The following COL4A5 variants were observed in gnomAD, a reference collection of about 807,000 sequenced individuals.
The protein encoded by COL4A5 is collagen type IV alpha 5 chain, also known as collagen alpha-5(IV) chain.
COL4A5 carries 26 observed loss-of-function variants against 130.2 expected under a neutral mutation model. The observed-to-expected ratio is 0.20, with a 90% CI of 0.15 to 0.28. COL4A5 has a LOEUF of 0.28. COL4A5 is among the 10% of genes least tolerant of loss of function. The pLI, the probability that COL4A5 is intolerant of heterozygous loss-of-function variation, is 1.00. For synonymous variants in COL4A5, 496 were observed against 439.6 expected (o/e 1.13, Z -1.60); for missense variants, 1,131 against 1,344.3 (o/e 0.84, Z 2.48).
At chrX:108,569,973 C>T (rs1268559970) in intron 6 of COL4A5, among the ~76,000 whole-genome samples, 1 of 111,598 alleles carries the variant, frequency 9.0e-6, no homozygotes, top group East Asian at 2.8e-4. Context: ...AGCCACCGCG[C>T]CCGGCCAGAT....
intron 2 of COL4A5, among the ~76,000 whole-genome samples, chrX:108,545,462 G>A (rs1199645078): frequency 1.8e-5 from 2 of 111,562 alleles, no homozygotes; most frequent in East Asian, 5.6e-4. Flanking sequence ...ATTGCACTGT[G>A]GTCTGAGAGA....
chrX:108,443,991 A>G (rs1417251136), intron 1 of COL4A5, among the ~76,000 whole-genome samples: 1 of 111,665 alleles, frequency 9.0e-6, no homozygotes, highest in Non-Finnish European at 1.9e-5. Context: ...TTTACGCTTA[A>G]TGTATATATT....
intron 1 of COL4A5, among the ~76,000 whole-genome samples, chrX:108,533,016 T>A (rs2065406163): frequency 8.9e-6 from 1 of 111,808 alleles, no homozygotes; most frequent in South Asian, 3.7e-4. Flanking sequence ...ATGCAATTTT[T>A]TCACAGAATT....
At chrX:108,483,203 A>ATGTGTGTGTGTG (rs778401670) in intron 1 of COL4A5, among the ~76,000 whole-genome samples, 6 of 99,297 alleles carry the variant, frequency 6.0e-5, no homozygotes, top group African/African-American at 2.2e-4. Context: ...CTAATAGGAT[A>ATGTGTGTGTGTG]TGTGTGTGTG....
At chrX:108,675,101 C>T (rs1171364710) in intron 43 of COL4A5, among the ~76,000 whole-genome samples, 1 of 111,311 alleles carries the variant, frequency 9.0e-6, no homozygotes, top group African/African-American at 3.3e-5. Context: ...TTTATTTTCT[C>T]AAAATTTTGT....
At chrX:108,663,462 T>G (rs1569505136) in intron 37 of COL4A5, among the ~76,000 whole-genome samples, 1 of 111,751 alleles carries the variant, frequency 8.9e-6, no homozygotes. Context: ...TTATCCTTAG[T>G]AAACTAATTC....
At chrX:108,518,767 T>A (rs898089384) in intron 1 of COL4A5, among the ~76,000 whole-genome samples, 30 of 111,769 alleles carry the variant, frequency 2.7e-4, no homozygotes, top group Non-Finnish European at 4.7e-4. Context: ...ATATTTTTAG[T>A]TCTGAGTTTG....
At chrX:108,465,090 A>T (rs1399460359) in intron 1 of COL4A5, among the ~76,000 whole-genome samples, 2 of 111,911 alleles carry the variant, frequency 1.8e-5, no homozygotes, top group Non-Finnish European at 3.8e-5. Flanking sequence ...AAAGCCACTG[A>T]CCTGCTGTCA....
chrX:108,690,178 A>G, intron 49 of COL4A5: 1 of 239,266 alleles, frequency 4.2e-6, no homozygotes, highest in Non-Finnish European at 5.9e-6. Context: ...TTTTCATTTT[A>G]TACACAAAGA....
At chrX:108,440,365 G>A in intron 1 of COL4A5, 159 bp downstream of exon 1, 1 of 465,118 alleles carries the variant, frequency 2.1e-6, no homozygotes, top group East Asian at 3.7e-5. Flanking sequence ...TGCAACACCG[G>A]TAACTCAAGC....
chrX:108,628,250 C>T (rs1236539779), intron 36 of COL4A5, among the ~76,000 whole-genome samples: 1 of 111,016 alleles, frequency 9.0e-6, no homozygotes. Flanking sequence ...TTCTTACATA[C>T]ATATCTTAAG....
chrX:108,670,656 T>C (rs1418778332), intron 42 of COL4A5: 3 of 331,914 alleles, frequency 9.0e-6, no homozygotes, highest in South Asian at 7.9e-5. Flanking sequence ...AATATGTAAT[T>C]CTTAACTTGC....
At chrX:108,544,347 T>G (rs1485904049) in intron 2 of COL4A5, among the ~76,000 whole-genome samples, 2 of 112,556 alleles carry the variant, frequency 1.8e-5, no homozygotes, top group East Asian at 5.5e-4. Context: ...AAAGGCCTTT[T>G]CTGCATCTAT....
chrX:108,586,443 CTTGTA>C (rs2066336578), intron 18 of COL4A5, among the ~76,000 whole-genome samples, 167 bp from the exon 19 acceptor site: 1 of 111,402 alleles, frequency 9.0e-6, no homozygotes, highest in Non-Finnish European at 1.9e-5. Flanking sequence ...AATGTTGTTA[CTTGTA>C]TTGGACATTT....
At chrX:108,452,890 C>A (rs928898507) in intron 1 of COL4A5, among the ~76,000 whole-genome samples, 1 of 110,951 alleles carries the variant, frequency 9.0e-6, no homozygotes, top group African/African-American at 3.3e-5. Context: ...GAGAGGGCAT[C>A]CCTGTCTTGT....
At chrX:108,479,752 C>A (rs1033098698) in intron 1 of COL4A5, among the ~76,000 whole-genome samples, 2 of 111,808 alleles carry the variant, frequency 1.8e-5, no homozygotes, top group Non-Finnish European at 3.8e-5. Context: ...CTGTGCATGA[C>A]CACTTTATGG....
chrX:108,559,455 G>C (rs997417079), intron 3 of COL4A5, among the ~76,000 whole-genome samples: 1 of 112,194 alleles, frequency 8.9e-6, no homozygotes, highest in African/African-American at 3.2e-5. Flanking sequence ...CCAGTTGTTA[G>C]AGTAGCTGAT....
intron 36 of COL4A5, among the ~76,000 whole-genome samples, chrX:108,632,883 G>C (rs1297476071): frequency 3.6e-5 from 4 of 111,327 alleles, no homozygotes; most frequent in African/African-American, 1.3e-4. Context: ...ATACTGAATG[G>C]GCAAAAACTG....
At chrX:108,491,388 C>T (rs1415054159) in intron 1 of COL4A5, among the ~76,000 whole-genome samples, 1 of 111,860 alleles carries the variant, frequency 8.9e-6, no homozygotes, top group Non-Finnish European at 1.9e-5. Flanking sequence ...GATTTAACTA[C>T]TAAATGCTAT....
Sources: gnomAD v4.1 joint callset for allele counts (sites outside exome capture counted in the v4.1 genomes callset) on GRCh38, gnomAD v4.1.1 for gene constraint, MANE v1.5 for transcripts, NCBI Gene and HGNC (gene_info 2026-07-23, HGNC 2026-07-21) for gene names.